Variants in ITFG1 observed in about 807,000 individuals in gnomAD.
The protein encoded by ITFG1 is integrin alpha FG-GAP repeat containing 1, also known as T-cell immunomodulatory protein.
In ITFG1, 34 loss-of-function variants were observed where a neutral mutation model predicts 81.8. The observed-to-expected ratio is 0.42, with a 90% CI of 0.32 to 0.55. The LOEUF (loss-of-function observed/expected upper bound fraction) is 0.55. Among genes scored for constraint, ITFG1 ranks in the 20% least tolerant of loss-of-function variants. The probability of loss-of-function intolerance (pLI) is 0.17; values close to 1 mark genes in which losing one functional copy is unlikely to be tolerated. For synonymous variants in ITFG1, 285 were observed against 270.6 expected (o/e 1.05, Z -0.52); for missense variants, 672 against 755.4 (o/e 0.89, Z 1.29).
intron 12 of ITFG1, among the ~76,000 whole-genome samples, chr16:47,242,385 C>T (rs1025079194): frequency 2.0e-5 from 3 of 148,524 alleles, no homozygotes; most frequent in African/African-American, 7.4e-5. Flanking sequence ...AGGAAAAAAC[C>T]AATTTTATTC....
intron 5 of ITFG1, among the ~76,000 whole-genome samples, chr16:47,440,667 T>TA (rs1969235621): frequency 6.6e-6 from 1 of 151,716 alleles, no homozygotes; most frequent in Non-Finnish European, 1.5e-5. Context: ...TACCAGAATC[T>TA]CTGGGACACA....
At chr16:47,399,557 A>C (rs1968633937) in intron 6 of ITFG1, among the ~76,000 whole-genome samples, 1 of 151,270 alleles carries the variant, frequency 6.6e-6, no homozygotes, top group East Asian at 1.9e-4. Context: ...TGGGCAAGAG[A>C]GCGAGACTCC....
In ITFG1 at chr16:47,296,245, C is replaced by CT. The variant is rs1037107232; in HGVS notation, c.1070+14994dup. On this transcript the variant is annotated intron_variant, in intron 10 of 17. Transcript: ENST00000320640. ...AACCACCAAGTACAGCCCTTTTTTT[C>CT]TTTTTTTTTTAATGTAGGCATTTAA... Among the ~76,000 whole-genome samples the CT allele has an allele frequency of 2.8e-4, 41 of 145,986 alleles. No homozygotes were observed. The East Asian group carries it at 3.8e-3, about 13-fold the overall frequency.
intron 5 of ITFG1, chr16:47,448,841 T>C (rs1969353573): frequency 6.6e-6 from 1 of 152,242 alleles, no homozygotes; most frequent in South Asian, 2.1e-4. Flanking sequence ...TTCTAAGTAA[T>C]ATGGCACATT....
intron 10 of ITFG1, among the ~76,000 whole-genome samples, chr16:47,306,999 C>G (rs1377859261): frequency 1.4e-5 from 2 of 140,364 alleles, no homozygotes; most frequent in African/African-American, 5.3e-5. Context: ...GAGGCTGAGG[C>G]AGGAGAACGG....
intron 10 of ITFG1, among the ~76,000 whole-genome samples, chr16:47,265,146 C>A (rs1032395688): frequency 1.3e-5 from 2 of 149,902 alleles, no homozygotes; most frequent in Non-Finnish European, 3.0e-5. Context: ...GTTATTATTA[C>A]CTGATATGTT....
At chr16:47,233,467 T>C (rs1483064861) in intron 13 of ITFG1, among the ~76,000 whole-genome samples, 1 of 152,222 alleles carries the variant, frequency 6.6e-6, no homozygotes, top group Non-Finnish European at 1.5e-5. Context: ...TGTTGAGTTT[T>C]ACCTCCAGGA....
rs375318206 is a variant in ITFG1 at position 47,359,058 on chromosome 16, T to C, written c.802+6730A>G. Reference sequence around the variant, plus strand: ...TGGTATGGGGGTGAGTCATGAGGAATATCATGCAGAGGGATAAGCAAGGGC... The same window carrying C: ...TGGTATGGGGGTGAGTCATGAGGAACATCATGCAGAGGGATAAGCAAGGGC... On this transcript the variant is annotated intron_variant, in intron 8 of 17. Transcript: ENST00000320640. Among the ~76,000 whole-genome samples the C allele has an allele frequency of 7.2e-5, 11 of 152,164 alleles. No individual in the cohort carries two copies. The East Asian group carries it at 1.9e-3, about 27-fold the overall frequency.
intron 10 of ITFG1, among the ~76,000 whole-genome samples, chr16:47,286,513 G>A (rs1245684035): frequency 6.6e-6 from 1 of 151,970 alleles, no homozygotes; most frequent in Non-Finnish European, 1.5e-5. Flanking sequence ...GGTGGCGGGT[G>A]CCTGTAATCA....
chr16:47,240,326 T>A (rs1048644556), intron 12 of ITFG1, among the ~76,000 whole-genome samples: 1 of 149,888 alleles, frequency 6.7e-6, no homozygotes, highest in Admixed American at 6.6e-5. Context: ...AAAGATGGAT[T>A]ATTCAATAAG....
chr16:47,322,108 C>T (rs1390431729), intron 8 of ITFG1, among the ~76,000 whole-genome samples: 2 of 151,904 alleles, frequency 1.3e-5, no homozygotes, highest in Non-Finnish European at 2.9e-5. Context: ...ATTAATGTAC[C>T]TATGTTATTG....
Position 47,260,662 on chromosome 16 carries a change from A to C in ITFG1, c.1104T>G (p.Pro368=). 1 of 1,614,192 alleles carries C rather than the reference A, an allele frequency of 6.2e-7. No individual in the cohort carries two copies. Among genetic ancestry groups the C allele is most frequent in the Non-Finnish European group, 8.5e-7 (1 of 1,180,028 alleles). The part of the protein sequence containing the change: ...NQQAFLLENV[P]CNNASCEEAR... The stretch of plus-strand genomic sequence containing the variant: ...CCTCTTCACAGCTTGCATTATTACA[A>C]GGGACGTTCTCCAGTAAAAAGGCCT... Residue 368 remains proline (P), a synonymous_variant, in exon 11 of 18, where the codon CCT becomes CCG. Transcript: ENST00000320640.
At chr16:47,310,363 G>A (rs777384462) in intron 10 of ITFG1, among the ~76,000 whole-genome samples, 7 of 152,044 alleles carry the variant, frequency 4.6e-5, no homozygotes, top group East Asian at 3.9e-4. Context: ...TAATTCTAGC[G>A]TCAACAAATA....
chr16:47,212,072 A>AT (rs1199694350), intron 14 of ITFG1, among the ~76,000 whole-genome samples: 1 of 150,216 alleles, frequency 6.7e-6, no homozygotes, highest in Non-Finnish European at 1.5e-5. Flanking sequence ...ACTAATCATG[A>AT]TTTTTGTATT....
At chr16:47,260,425 A>T in intron 11 of ITFG1, 120 bp downstream of exon 11, 1 of 1,029,224 alleles carries the variant, frequency 9.7e-7, no homozygotes, top group Non-Finnish European at 1.4e-6. Context: ...GGCTTTCCTT[A>T]ATTAACTCAT....
At chr16:47,304,735 A>C (rs1008372042) in intron 10 of ITFG1, among the ~76,000 whole-genome samples, 1 of 152,210 alleles carries the variant, frequency 6.6e-6, no homozygotes, top group Non-Finnish European at 1.5e-5. Context: ...TCCACACACG[A>C]TAACCACTAG....
intron 10 of ITFG1, 140 bp from the exon 11 acceptor site, chr16:47,260,835 A>G: frequency 1.1e-6 from 1 of 927,942 alleles, no homozygotes. Flanking sequence ...TTTTTTGTTT[A>G]TAGTACTGTC....
chr16:47,190,886 G>A lies in ITFG1; in HGVS notation c.1453+27982C>T, dbSNP rs373607568. ...TCAGCTGGTGTTACCTGGGGTTGGGGTTTGGTGGGATGACTGCACTGGCCT... is the reference window on the plus strand; with the variant it reads ...TCAGCTGGTGTTACCTGGGGTTGGGATTTGGTGGGATGACTGCACTGGCCT... On this transcript the variant is annotated intron_variant, in intron 14 of 17. Coordinates refer to ENST00000320640, the MANE Select transcript of ITFG1 (RefSeq NM_030790.5). 1.2e-4 allele frequency among the ~76,000 whole-genome samples: 19 copies of A among 152,302 alleles called. No homozygotes were observed. In the South Asian group the frequency reaches 3.9e-3, roughly 32 times the overall value.
At chr16:47,440,499 T>C (rs113889664) in intron 5 of ITFG1, among the ~76,000 whole-genome samples, 62 of 152,156 alleles carry the variant, frequency 4.1e-4, no homozygotes, top group African/African-American at 1.3e-3. Flanking sequence ...TCAGACCACA[T>C]TGCAATCAAA....
Sources: allele counts gnomAD v4.1 joint callset (sites outside exome capture counted in the v4.1 genomes callset), GRCh38; gene constraint gnomAD v4.1.1; transcripts MANE v1.5; gene names NCBI Gene and HGNC (gene_info 2026-07-23, HGNC 2026-07-21).